Variants in CCBE1 observed in about 807,000 individuals in gnomAD.
CCBE1 encodes the protein collagen and calcium binding EGF domains 1.
In CCBE1, 37 loss-of-function variants were observed where a neutral mutation model predicts 50.0. That is an observed-to-expected ratio of 0.74 (90% confidence interval 0.57 to 0.97). The LOEUF (loss-of-function observed/expected upper bound fraction) is 0.97. Among genes scored for constraint, CCBE1 ranks in the 50% least tolerant of loss-of-function variants. The pLI is 0.00. For missense variants in CCBE1, 538 were observed against 523.8 expected (o/e 1.03, Z -0.26); for synonymous variants, 234 against 203.7 (o/e 1.15, Z -1.27).
chr18:59,665,918 A>G (rs149261709), intron 2 of CCBE1, among the ~76,000 whole-genome samples: 2 of 152,350 alleles, frequency 1.3e-5, no homozygotes, highest in South Asian at 2.1e-4. Context: ...TATAGAATAT[A>G]TCATGTACAA....
At chr18:59,689,327 G>A (rs1006829662) in intron 2 of CCBE1, among the ~76,000 whole-genome samples, 3 of 152,324 alleles carry the variant, frequency 2.0e-5, no homozygotes, top group African/African-American at 7.2e-5. Flanking sequence ...GGCCAAGAAG[G>A]AAAGGTCTAG....
chr18:59,661,452 A>C (rs1213040764), intron 2 of CCBE1, among the ~76,000 whole-genome samples: 1 of 152,142 alleles, frequency 6.6e-6, no homozygotes, highest in Non-Finnish European at 1.5e-5. Context: ...TAATTCTTGG[A>C]ACTTTAACTT....
At chr18:59,649,927 A>G (rs2054105313) in intron 2 of CCBE1, among the ~76,000 whole-genome samples, 1 of 152,128 alleles carries the variant, frequency 6.6e-6, no homozygotes, top group African/African-American at 2.4e-5. Flanking sequence ...ACCATGGAAG[A>G]GCATCTTCAA....
intron 2 of CCBE1, among the ~76,000 whole-genome samples, chr18:59,598,797 C>T (rs936967963): frequency 6.6e-6 from 1 of 152,138 alleles, no homozygotes; most frequent in African/African-American, 2.4e-5. Context: ...ATTCCATGAT[C>T]TTTTTGAAAA....
chr18:59,622,091 C>A (rs533573607), intron 2 of CCBE1, among the ~76,000 whole-genome samples: 1 of 152,328 alleles, frequency 6.6e-6, no homozygotes, highest in East Asian at 1.9e-4. Context: ...CTCTCAGCAC[C>A]TTTTCTGCAT....
At chr18:59,468,720 C>G (rs1202577635) in intron 4 of CCBE1, among the ~76,000 whole-genome samples, 2 of 152,214 alleles carry the variant, frequency 1.3e-5, no homozygotes, top group Non-Finnish European at 2.9e-5. Flanking sequence ...GCAGTTCATC[C>G]TCCAGTTGAT....
intron 2 of CCBE1, among the ~76,000 whole-genome samples, chr18:59,586,331 G>A (rs540892274): frequency 7.4e-4 from 112 of 152,244 alleles, no homozygotes; most frequent in Non-Finnish European, 1.2e-3. Flanking sequence ...ATGTGGGTGG[G>A]AAGAATCAAA....
rs560631476 is a variant in CCBE1 at position 59,489,977 on chromosome 18, C to A, written c.213-9739G>T. Among the ~76,000 whole-genome samples, 7 of 142,496 alleles carry A rather than the reference C, an allele frequency of 4.9e-5. No individual in the cohort carries two copies. The East Asian group carries it at 1.3e-3, about 26-fold the overall frequency. The allele number at this position is 142,496 out of a possible 152,430, so 93.5% of individuals were successfully genotyped here. A position where few individuals can be genotyped will look rare whatever the true frequency, so the allele number is the denominator to read the frequency against. The stretch of plus-strand genomic sequence containing the variant: ...TATTGTATATGTATATACTTATATA[C>A]GCATAAGGAGTTTTTTTTTTTTTTT... On this transcript the variant is annotated intron_variant, in intron 2 of 10. Coordinates refer to ENST00000439986, the MANE Select transcript of CCBE1 (RefSeq NM_133459.4).
chr18:59,471,402 C>T (rs1912028482), intron 3 of CCBE1, among the ~76,000 whole-genome samples: 1 of 152,212 alleles, frequency 6.6e-6, no homozygotes, highest in South Asian at 2.1e-4. Flanking sequence ...TGCAGTCACA[C>T]CCATAACTTC....
At chr18:59,543,686 T>C (rs1915558269) in intron 2 of CCBE1, among the ~76,000 whole-genome samples, 1 of 151,644 alleles carries the variant, frequency 6.6e-6, no homozygotes, top group Non-Finnish European at 1.5e-5. Flanking sequence ...ATACAGAAAA[T>C]TAGCCGGGTG....
intron 2 of CCBE1, among the ~76,000 whole-genome samples, chr18:59,558,257 A>G (rs1445133943): frequency 6.6e-6 from 1 of 152,226 alleles, no homozygotes; most frequent in Admixed American, 6.5e-5. Flanking sequence ...GCAGTCTTCT[A>G]GTTAGTTGAG....
intron 2 of CCBE1, among the ~76,000 whole-genome samples, chr18:59,577,355 T>C (rs2053013649): frequency 6.6e-6 from 1 of 152,206 alleles, no homozygotes; most frequent in South Asian, 2.1e-4. Flanking sequence ...AGTCTGGCAG[T>C]GCAGCGGGGG....
At chr18:59,648,121 A>G (rs2054079744) in intron 2 of CCBE1, among the ~76,000 whole-genome samples, 1 of 152,250 alleles carries the variant, frequency 6.6e-6, no homozygotes, top group South Asian at 2.1e-4. Context: ...AGGTCTCCCC[A>G]TAAAACACAG....
chr18:59,531,144 C>T (rs966066951), intron 2 of CCBE1, among the ~76,000 whole-genome samples: 2 of 152,072 alleles, frequency 1.3e-5, no homozygotes, highest in Non-Finnish European at 1.5e-5. Flanking sequence ...CAATGGATCA[C>T]AGAGTGAGCT....
Position 59,696,632 on chromosome 18 carries a change from T to C in CCBE1, c.209A>G (p.Tyr70Cys). The C allele has an allele frequency of 6.2e-7, 1 of 1,613,960 alleles. No individual in the cohort carries two copies. Among genetic ancestry groups the C allele is most frequent in the Non-Finnish European group, 8.5e-7 (1 of 1,179,936 alleles). ...CCCGCAGAGCCCCCAGGCTTACCTG[T>C]AGCATGTGGTGAGCTCGCCTGAAGA... ...LKSSGELTTC[Y>C]RKKCCKGYKF... Residue 70 changes from tyrosine (Y) to cysteine (C), a missense_variant, in exon 2 of 11, where the codon TAC (tyrosine) becomes TGC (cysteine). Transcript: ENST00000439986.
chr18:59,523,634 T>C (rs1003937314), intron 2 of CCBE1, among the ~76,000 whole-genome samples: 1 of 152,176 alleles, frequency 6.6e-6, no homozygotes, highest in Non-Finnish European at 1.5e-5. Flanking sequence ...CACTTGATTG[T>C]CAAGGTTATT....
In CCBE1 at chr18:59,697,238, G is replaced by C; in HGVS notation, c.105C>G (p.Tyr35Ter). The C allele has an allele frequency of 6.5e-7, 1 of 1,549,178 alleles. No homozygotes were observed. The highest frequency in any genetic ancestry group is 1.2e-5 in the South Asian group (1 of 84,008). The part of the protein sequence containing the change: ...LLLALGHTWT[Y>*]REEPEDGDRE... Reference sequence around the variant, plus strand: ...TGTCGCCGTCCTCCGGCTCCTCTCTGTAGGTCCACGTGTGTCCCAACGCCA... The same window carrying C: ...TGTCGCCGTCCTCCGGCTCCTCTCTCTAGGTCCACGTGTGTCCCAACGCCA... Residue 35 changes from tyrosine (Y) to a stop codon, truncating the protein, a stop_gained, in exon 1 of 11, where the codon TAC becomes TAG. Transcript: ENST00000439986. LOFTEE classifies it high-confidence loss of function.
intron 2 of CCBE1, among the ~76,000 whole-genome samples, chr18:59,588,304 G>A (rs995773601): frequency 2.0e-5 from 3 of 152,158 alleles, no homozygotes; most frequent in Non-Finnish European, 4.4e-5. Context: ...GTGCATGCCT[G>A]TAATCTTAGT....
intron 2 of CCBE1, among the ~76,000 whole-genome samples, chr18:59,670,500 T>C (rs2054416904): frequency 6.6e-6 from 1 of 152,182 alleles, no homozygotes; most frequent in South Asian, 2.1e-4. Context: ...TGTCTCATGG[T>C]CATGCATGCG....
Sources: gnomAD v4.1 joint callset for allele counts (sites outside exome capture counted in the v4.1 genomes callset) on GRCh38, gnomAD v4.1.1 for gene constraint, MANE v1.5 for transcripts, NCBI Gene and HGNC (gene_info 2026-07-23, HGNC 2026-07-21) for gene names.